The following PLXND1 variants were observed in gnomAD, a reference collection of about 807,000 sequenced individuals.
The protein encoded by PLXND1 is plexin-D1.
PLXND1 carries 54 observed loss-of-function variants against 197.7 expected under a neutral mutation model. The observed-to-expected ratio is 0.27, with a 90% CI of 0.22 to 0.34. PLXND1 has a LOEUF of 0.34. PLXND1 is among the 10% of genes least tolerant of loss of function. The pLI, the probability that PLXND1 is intolerant of heterozygous loss-of-function variation, is 1.00. For synonymous variants in PLXND1, 1,180 were observed against 1,161.2 expected, an observed-to-expected ratio of 1.02 and a Z score of -0.33; for missense variants, 2,127 against 2,699.2, an observed-to-expected ratio of 0.79 and a Z score of 4.70.
rs533194890 is a variant in PLXND1, at chr3:129,571,934, A to G, written c.3078-90T>C. The G allele has an allele frequency of 1.0e-4, 133 of 1,301,234 alleles. No individual in the cohort carries two copies. In the African/African-American group the frequency reaches 1.8e-3, roughly 18 times the overall value. The allele number at this position is 1,301,234 out of a possible 1,614,324, so 80.6% of individuals were successfully genotyped here. On this transcript the variant is annotated intron_variant, in intron 15 of 35. Coordinates refer to ENST00000324093, the MANE Select transcript of PLXND1 (RefSeq NM_015103.3). ...TGAGACCTGGGGCACAAGTCCACGC[A>G]CTTGGCCTGGGGTTCAAGGCCTCCT... is the stretch of plus-strand genomic sequence containing the variant.
At chr3:129,589,310 T>TGGCACCCCCCCCCCCCCCCCC in intron 2 of PLXND1, 41 bp downstream of exon 2, 1 of 501,288 alleles carries the variant, frequency 2.0e-6, no homozygotes, top group Non-Finnish European at 3.8e-6. Flanking sequence ...CAGGGGAGCC[T>TGGCACCCCCCCCCCCCCCCCC]CCCACCCCCA....
At position 129,557,184 on chromosome 3, in the gene PLXND1, G is replaced by C; in HGVS notation, c.5485C>G (p.Pro1829Ala). 1 of 1,614,164 alleles carries C rather than the reference G, an allele frequency of 6.2e-7. No individual in the cohort carries two copies. The highest frequency in any genetic ancestry group is 8.5e-7 in the Non-Finnish European group (1 of 1,180,030). Residue 1829 changes from proline (P) to alanine (A), a missense_variant, in exon 34 of 36, where the codon CCT (proline) becomes GCT (alanine). Pro to Ala is a conservative substitution (Grantham distance 27). Coordinates refer to ENST00000324093, the MANE Select transcript of PLXND1 (RefSeq NM_015103.3). This position sits in a 1 kb window ranked among gnomAD's most constrained non-coding sequence, Gnocchi z 4.8. ...TNKLLYAKEI[P>A]EYRKIVQRYY... ...CGCTGCACGATCTTCCGGTACTCAG[G>C]AATCTCCTTGGCGTAGAGGAGCTTG...
chr3:129,605,505 G>C lies in PLXND1; in HGVS notation c.1135C>G (p.Pro379Ala). Residue 379 changes from proline (P) to alanine (A), a missense_variant, in exon 1 of 36, where the codon CCC (proline) becomes GCC (alanine). Transcript: ENST00000324093. ...FAVFERPQGS[P>A]AARAAPAALC... ...GCGGCCGGAGCAGCGCGGGCCGCGG[G>C]GGACCCCTGGGGCCGCTCGAAGACA... 1 of 1,496,054 alleles carries C rather than the reference G, an allele frequency of 6.7e-7. No individual in the cohort carries two copies. Among genetic ancestry groups the C allele is most frequent in the Non-Finnish European group, 8.8e-7 (1 of 1,131,350 alleles). 92.7% of individuals were successfully genotyped at this position (1,496,054 alleles called of 1,614,324 possible). A position where few individuals can be genotyped will look rare whatever the true frequency, so the allele number is the denominator to read the frequency against.
At chr3:129,571,006 T>G in intron 18 of PLXND1, 34 bp downstream of exon 18, 1 of 1,612,936 alleles carries the variant, frequency 6.2e-7, no homozygotes, top group Non-Finnish European at 8.5e-7. Flanking sequence ...CTGGCTCGCT[T>G]GCCCCCGCCT....
chr3:129,602,909 G>C (rs1210640844), intron 1 of PLXND1, among the ~76,000 whole-genome samples: 1 of 152,202 alleles, frequency 6.6e-6, no homozygotes, highest in Admixed American at 6.5e-5. Flanking sequence ...GGCCCAGAGA[G>C]GTTAAGTTCC....
chr3:129,597,954 C>A (rs1576281324), intron 1 of PLXND1, among the ~76,000 whole-genome samples: 1 of 152,178 alleles, frequency 6.6e-6, no homozygotes, highest in African/African-American at 2.4e-5. Context: ...ACAGTGGGGG[C>A]TCCGGGTGAG....
Position 129,606,276 on chromosome 3 carries a change from C to A in PLXND1, c.364G>T (p.Asp122Tyr). The A allele has an allele frequency of 6.5e-7, 1 of 1,537,106 alleles. No individual in the cohort carries two copies. The highest frequency in any genetic ancestry group is 2.5e-5 in the East Asian group (1 of 39,572). ...AGCTGCAGGATCTTGTTGTAGTTGT[C>A]CGTGAGGCGCCGCGGGTGCTCGCAC... ...ASCEHPRRLT[D>Y]NYNKILQLDP... The change falls in exon 1 of 36, where the codon GAC (aspartate) becomes TAC (tyrosine). Residue 122 changes from aspartate to tyrosine, a missense_variant. Physicochemically the swap from Asp to Tyr is radical, Grantham distance 160. Transcript: ENST00000324093.
At position 129,588,838 on chromosome 3, in the gene PLXND1, C is replaced by T. The variant is rs975260352; in HGVS notation, c.1488+513G>A. Among the ~76,000 whole-genome samples, 8 of 152,322 alleles carry T rather than the reference C, an allele frequency of 5.3e-5. No homozygotes were observed. In the East Asian group the frequency reaches 7.7e-4, roughly 15 times the overall value. ...CCCAGCTCCAGGAATCTCGGGGCCA[C>T]GGGCTGGGGTACAGTTAACTCTAGA... On this transcript the variant is annotated intron_variant, in intron 2 of 35. Transcript: ENST00000324093.
intron 23 of PLXND1, 95 bp downstream of exon 23, chr3:129,566,432 A>G (rs1475923387): frequency 2.5e-6 from 2 of 787,312 alleles, no homozygotes; most frequent in Non-Finnish European, 4.6e-6. Flanking sequence ...TCCGCATGAC[A>G]GGGATCAATG....
intron 1 of PLXND1, among the ~76,000 whole-genome samples, chr3:129,596,685 C>T (rs983424187): frequency 1.3e-5 from 2 of 152,212 alleles, no homozygotes; most frequent in Non-Finnish European, 2.9e-5. Context: ...ACTGGCAGTT[C>T]CCTCCTGGGG....
intron 1 of PLXND1, among the ~76,000 whole-genome samples, chr3:129,589,765 C>T (rs868712687): frequency 2.6e-5 from 4 of 152,158 alleles, no homozygotes; most frequent in Admixed American, 6.5e-5. Flanking sequence ...TCAAGGTACA[C>T]GGGAACCAGC....
At chr3:129,556,591 C>T (rs201090201) in intron 35 of PLXND1, 26 bp downstream of exon 35, 1 of 1,541,896 alleles carries the variant, frequency 6.5e-7, no homozygotes, top group East Asian at 2.2e-5. Flanking sequence ...ACCCCGAGGG[C>T]AGGTGCCTCA....
At chr3:129,564,406 G>T (rs2085107970) in intron 25 of PLXND1, among the ~76,000 whole-genome samples, 1 of 152,262 alleles carries the variant, frequency 6.6e-6, no homozygotes, top group African/African-American at 2.4e-5. Flanking sequence ...AGCACTTTGG[G>T]AGGCCAAAGC....
intron 1 of PLXND1, among the ~76,000 whole-genome samples, chr3:129,596,832 G>A (rs760395174): frequency 1.3e-5 from 2 of 152,164 alleles, no homozygotes; most frequent in Non-Finnish European, 2.9e-5. Flanking sequence ...TCGCACGACC[G>A]CTGTGGACAC....
intron 8 of PLXND1, among the ~76,000 whole-genome samples, chr3:129,583,324 G>A (rs1456764928): frequency 6.6e-6 from 1 of 152,150 alleles, no homozygotes; most frequent in Non-Finnish European, 1.5e-5. Context: ...GCGGTCTTCA[G>A]GGAATCATCA....
In PLXND1 at chr3:129,589,449, G is replaced by A; in HGVS notation, c.1390C>T (p.Pro464Ser). 1 of 1,611,662 alleles carries A rather than the reference G, an allele frequency of 6.2e-7. No homozygotes were observed. The highest frequency in any genetic ancestry group is 8.5e-7 in the Non-Finnish European group (1 of 1,179,476). ...LSILQPLKAT[P>S]VFRAPGLTSV... is the part of the protein sequence containing the mutation. ...GTGAGGCCCGGGGCGCGGAACACGG[G>A]CGTGGCCTTCAGGGGCTGCAGGATG... Residue 464 changes from proline to serine, a missense_variant, in exon 2 of 36, where the codon CCC becomes TCC. Physicochemically the swap from Pro to Ser is moderately conservative, Grantham distance 74. This residue lies in a region of PLXND1 where 1,095 missense variants were observed against 1,259.8 expected (regional missense o/e 0.87). Coordinates refer to ENST00000324093, the MANE Select transcript of PLXND1 (RefSeq NM_015103.3).
rs1296563987 is a variant in PLXND1 at position 129,555,228 on chromosome 3, A to C, written c.*1084T>G. 4 of 419,042 alleles carry C rather than the reference A, an allele frequency of 9.5e-6. No homozygotes were observed. Among genetic ancestry groups the C allele is most frequent in the East Asian group, 8.3e-5 (2 of 24,072 alleles). The allele number at this position is 419,042 out of a possible 1,614,324, so 26.0% of individuals were successfully genotyped here. A position where few individuals can be genotyped will look rare whatever the true frequency, so the allele number is the denominator to read the frequency against. On this transcript the variant is annotated 3_prime_UTR_variant, in exon 36 of 36. Coordinates refer to ENST00000324093, the MANE Select transcript of PLXND1 (RefSeq NM_015103.3). ...GGAGCCCACAGTAGGTTTGTCCGTA[A>C]GGCTTTTATTATAAAGAAGATTCCA...
intron 1 of PLXND1, among the ~76,000 whole-genome samples, chr3:129,592,492 C>T (rs1452402465): frequency 3.3e-5 from 5 of 152,214 alleles, no homozygotes; most frequent in Non-Finnish European, 5.9e-5. Context: ...CATACCCTGA[C>T]ATCCAGCCAG....
At position 129,555,469 on chromosome 3, in the gene PLXND1, A is replaced by T. The variant is rs775450317; in HGVS notation, c.*843T>A. 1 of 678,020 alleles carries T rather than the reference A, an allele frequency of 1.5e-6. No homozygotes were observed. The highest frequency in any genetic ancestry group is 1.6e-5 in the South Asian group (1 of 63,076). 42.0% of individuals were successfully genotyped at this position (678,020 alleles called of 1,614,324 possible). A position where few individuals can be genotyped will look rare whatever the true frequency, so the allele number is the denominator to read the frequency against. ...AGTGTTGCATGGGGAGCCTCTCGGGACCCCTCCCCGGGTCCTCTGCGCAAG... is the reference window on the plus strand; with the variant it reads ...AGTGTTGCATGGGGAGCCTCTCGGGTCCCCTCCCCGGGTCCTCTGCGCAAG... On this transcript the variant is annotated 3_prime_UTR_variant, in exon 36 of 36. Coordinates refer to ENST00000324093, the MANE Select transcript of PLXND1 (RefSeq NM_015103.3).
Sources: allele counts gnomAD v4.1 joint callset (sites outside exome capture counted in the v4.1 genomes callset), GRCh38; gene constraint gnomAD v4.1.1; regional missense constraint gnomAD v4.1.1; non-coding constraint Gnocchi (gnomAD v3.1); transcripts MANE v1.5; gene names NCBI Gene and HGNC (gene_info 2026-07-23, HGNC 2026-07-21).